ATP6V0D1: variants seen among roughly 807,000 people sequenced by gnomAD.
The protein encoded by ATP6V0D1 is V-type proton ATPase subunit d 1.
A neutral mutation model predicts 39.0 loss-of-function variants in ATP6V0D1; 13 were observed. The ratio of observed to expected loss-of-function variants is 0.33; its 90% CI spans 0.22 to 0.53. The LOEUF (loss-of-function observed/expected upper bound fraction) is 0.53. ATP6V0D1 is among the 20% of genes least tolerant of loss of function. ATP6V0D1 has a pLI of 0.94. For missense variants in ATP6V0D1, 272 were observed against 470.9 expected, an observed-to-expected ratio of 0.58 and a Z score of 3.91; for synonymous variants, 191 against 191.2, an observed-to-expected ratio of 1.00 and a Z score of 0.01.
intron 1 of ATP6V0D1, chr16:67,457,665 G>GA: frequency 3.9e-6 from 5 of 1,288,706 alleles, no homozygotes; most frequent in Non-Finnish European, 5.1e-6. Flanking sequence ...GAGAAGCCAG[G>GA]AATGTGTGCA....
intron 1 of ATP6V0D1, among the ~76,000 whole-genome samples, chr16:67,469,199 T>A (rs973940047): frequency 2.6e-5 from 4 of 152,020 alleles, no homozygotes; most frequent in Non-Finnish European, 4.4e-5. Flanking sequence ...TCCCAGTTAC[T>A]CAGAAAGCTG....
chr16:67,444,592 C>T lies in ATP6V0D1; in HGVS notation c.417G>A (p.Glu139=). The change falls in exon 3 of 8, where the codon GAG becomes GAA. Residue 139 remains glutamate (E), a synonymous_variant. Coordinates refer to ENST00000290949, the MANE Select transcript of ATP6V0D1 (RefSeq NM_004691.5). This position sits in a 1 kb window ranked among gnomAD's most constrained non-coding sequence, Gnocchi z 4.8. ...CAGGTGTCTGAGCAATGTTCACGGC[C>T]TCCATCTGCTCGAAGCTGCCTAGTG... The part of the protein sequence containing the change: ...CHPLGSFEQM[E]AVNIAQTPAE... The T allele has an allele frequency of 6.2e-7, 1 of 1,613,594 alleles. No homozygotes were observed. Among genetic ancestry groups the T allele is most frequent in the Non-Finnish European group, 8.5e-7 (1 of 1,179,702 alleles).
chr16:67,452,127 A>G, intron 2 of ATP6V0D1: 1 of 1,401,820 alleles, frequency 7.1e-7, no homozygotes, highest in South Asian at 1.4e-5. Flanking sequence ...CACAGAGACC[A>G]AGGCCAGGGA....
At position 67,438,475 on chromosome 16, in the gene ATP6V0D1, A is replaced by G. The variant is rs72650133; in HGVS notation, c.*53T>C. The stretch of plus-strand genomic sequence containing the variant: ...TACACACACACGCACACACACGCGC[A>G]CACACACACACACACACACAAAGAG... On this transcript the variant is annotated 3_prime_UTR_variant, in exon 8 of 8. Transcript: ENST00000290949. 8.1e-3 allele frequency: 5,423 copies of G among 667,694 alleles called. 70 individuals carry two copies. The highest frequency in any genetic ancestry group is 0.069 in the African/African-American group (3,544 of 51,668). The allele number at this position is 667,694 out of a possible 1,614,324, so 41.4% of individuals were successfully genotyped here.
intron 2 of ATP6V0D1, among the ~76,000 whole-genome samples, chr16:67,450,809 G>A (rs2041171435): frequency 6.6e-6 from 1 of 152,204 alleles, no homozygotes; most frequent in Admixed American, 6.5e-5. Flanking sequence ...TGGCCACTCA[G>A]CATCCAGGGA....
rs146659096 is a variant in ATP6V0D1 at position 67,476,012 on chromosome 16, C to T, written c.130+4945G>A. ...TGGGAGGCCGAGGTGGGTGGATCAC[C>T]TGAGGTCAGGAGTTCAAGACCAGCC... is the stretch of plus-strand genomic sequence containing the variant. On this transcript the variant is annotated intron_variant, in intron 1 of 7. Transcript: ENST00000290949. Among the ~76,000 whole-genome samples, 936 of 152,174 alleles carry T rather than the reference C, an allele frequency of 6.2e-3. 7 individuals carry two copies. The highest frequency in any genetic ancestry group is 0.021 in the African/African-American group (870 of 41,502).
intron 2 of ATP6V0D1, chr16:67,446,090 T>C: frequency 2.6e-6 from 1 of 384,328 alleles, no homozygotes. Flanking sequence ...GTGCAACTAG[T>C]GCTCAGGCTG....
At chr16:67,457,467 G>T in intron 1 of ATP6V0D1, 1 of 797,912 alleles carries the variant, frequency 1.3e-6, no homozygotes, top group Non-Finnish European at 1.8e-6. Flanking sequence ...ACAGATTTCA[G>T]TCCCAGATGA....
Position 67,453,814 on chromosome 16 carries a change from G to T in ATP6V0D1, c.131-99C>A. The T allele has an allele frequency of 1.7e-6, 2 of 1,202,596 alleles. No individual in the cohort carries two copies. Among genetic ancestry groups the T allele is most frequent in the Non-Finnish European group, 2.4e-6 (2 of 844,170 alleles). The allele number at this position is 1,202,596 out of a possible 1,614,324, so 74.5% of individuals were successfully genotyped here. ...CCCAACTCAGCCCCAGCTCTCCCCT[G>T]CAGTTGTGTCCCGCTACTACCCTGA... is the stretch of plus-strand genomic sequence containing the variant. On this transcript the variant is annotated intron_variant, in intron 1 of 7. Coordinates refer to ENST00000290949, the MANE Select transcript of ATP6V0D1 (RefSeq NM_004691.5). The surrounding 1 kb of genome is among the most constrained non-coding windows in gnomAD (Gnocchi z 4.1).
At chr16:67,472,787 G>A (rs994213865) in intron 1 of ATP6V0D1, among the ~76,000 whole-genome samples, 1 of 152,070 alleles carries the variant, frequency 6.6e-6, no homozygotes, top group African/African-American at 2.4e-5. Context: ...GGAGAATGGC[G>A]TGAACCCAGG....
At position 67,438,327 on chromosome 16, in the gene ATP6V0D1, G is replaced by T. The variant is rs954128940; in HGVS notation, c.*201C>A. On this transcript the variant is annotated 3_prime_UTR_variant, in exon 8 of 8. Coordinates refer to ENST00000290949, the MANE Select transcript of ATP6V0D1 (RefSeq NM_004691.5). ...CTTCGTCCATCCTTGGTGGGGGGGG[G>T]TGCCCAGCCCCTTTTCAGGCCTAAG... The T allele has an allele frequency of 3.1e-6, 2 of 639,926 alleles. No individual in the cohort carries two copies. 39.6% of individuals were successfully genotyped at this position (639,926 alleles called of 1,614,324 possible). A position where few individuals can be genotyped will look rare whatever the true frequency, so the allele number is the denominator to read the frequency against.
intron 2 of ATP6V0D1, among the ~76,000 whole-genome samples, chr16:67,448,841 T>C (rs957695292): frequency 1.3e-5 from 2 of 152,124 alleles, no homozygotes; most frequent in African/African-American, 4.8e-5. Flanking sequence ...GTGAAAGTGC[T>C]GGCACTCCTT....
At chr16:67,443,215 G>T (rs2041074517) in intron 3 of ATP6V0D1, 37 bp from the exon 4 acceptor site, 8 of 1,602,828 alleles carry the variant, frequency 5.0e-6, no homozygotes, top group Non-Finnish European at 6.8e-6. Context: ...TGGGCAGGTG[G>T]CCTAGGCCAG....
In ATP6V0D1 at chr16:67,444,090, C is replaced by T. The variant is rs2041086741; in HGVS notation, c.481+438G>A. Among the ~76,000 whole-genome samples, 1 of 152,264 alleles carries T rather than the reference C, an allele frequency of 6.6e-6. No individual in the cohort carries two copies. Among genetic ancestry groups the T allele is most frequent in the Non-Finnish European group, 1.5e-5 (1 of 68,048 alleles). On this transcript the variant is annotated intron_variant, in intron 3 of 7. Transcript: ENST00000290949. This position sits in a 1 kb window ranked among gnomAD's most constrained non-coding sequence, Gnocchi z 4.8. ...TGTCTGACCTGGCCCAGGGGACCTG[C>T]TCGGTGGAGGGAAGTGGCAGTGTTT...
rs572083132 is a variant in ATP6V0D1, at chr16:67,470,533, C to T, written c.130+10424G>A. On this transcript the variant is annotated intron_variant, in intron 1 of 7. Coordinates refer to ENST00000290949, the MANE Select transcript of ATP6V0D1 (RefSeq NM_004691.5). ...ACAGTTAAGGCTGCTCTCTAGCCTC[C>T]TGGCAGGACTTGTGGGCAGAGCTAG... 3.3e-5 allele frequency among the ~76,000 whole-genome samples: 5 copies of T among 152,348 alleles called. No homozygotes were observed. In the South Asian group the frequency reaches 8.3e-4, roughly 25 times the overall value.
intron 2 of ATP6V0D1, chr16:67,445,871 C>A: frequency 2.2e-6 from 1 of 453,938 alleles, no homozygotes; most frequent in Non-Finnish European, 4.4e-6. Context: ...GCAGTAGCCA[C>A]AACTATCCTC....
At chr16:67,450,825 G>T (rs1002269376) in intron 2 of ATP6V0D1, among the ~76,000 whole-genome samples, 1 of 152,180 alleles carries the variant, frequency 6.6e-6, no homozygotes, top group Non-Finnish European at 1.5e-5. Flanking sequence ...AGGGAGTAAG[G>T]TGAGGGCACT....
intron 4 of ATP6V0D1, among the ~76,000 whole-genome samples, chr16:67,442,065 T>G (rs561141784): frequency 6.6e-6 from 1 of 152,408 alleles, no homozygotes; most frequent in Non-Finnish European, 1.5e-5. Flanking sequence ...GCCTGCCACT[T>G]GGCCCATGCT....
rs544448342 is a variant in ATP6V0D1, at chr16:67,444,190, C to A, written c.481+338G>T. 6.6e-6 allele frequency among the ~76,000 whole-genome samples: 1 copy of A among 152,336 alleles called. No homozygotes were observed. The highest frequency in any genetic ancestry group is 2.4e-5 in the African/African-American group (1 of 41,584). On this transcript the variant is annotated intron_variant, in intron 3 of 7. Coordinates refer to ENST00000290949, the MANE Select transcript of ATP6V0D1 (RefSeq NM_004691.5). This position sits in a 1 kb window ranked among gnomAD's most constrained non-coding sequence, Gnocchi z 4.8. ...AGCTCCGGGCCACAGTCTGTCAGAG[C>A]TCTCGGGACTCCAAGGGACTTGGGC...
Sources: gnomAD v4.1 joint callset for allele counts (sites outside exome capture counted in the v4.1 genomes callset) on GRCh38, gnomAD v4.1.1 for gene constraint, Gnocchi (gnomAD v3.1) non-coding constraint, MANE v1.5 for transcripts, NCBI Gene and HGNC (gene_info 2026-07-23, HGNC 2026-07-21) for gene names.